The following SYNDIG1L variants were observed in gnomAD, a reference collection of about 807,000 sequenced individuals.
The protein encoded by SYNDIG1L is synapse differentiation inducing 1 like, also known as synapse differentiation-inducing gene protein 1-like.
A neutral mutation model predicts 20.1 loss-of-function variants in SYNDIG1L; 13 were observed. The observed-to-expected ratio is 0.65, with a 90% CI of 0.42 to 1.03. The LOEUF (loss-of-function observed/expected upper bound fraction) is 1.03, where lower values mean the gene tolerates loss of function less well. Among genes scored for constraint, SYNDIG1L ranks in the 50% least tolerant of loss-of-function variants. The pLI is 0.00. For missense variants in SYNDIG1L, 294 were observed against 305.1 expected, an observed-to-expected ratio of 0.96 and a Z score of 0.27; for synonymous variants, 128 against 129.3, an observed-to-expected ratio of 0.99 and a Z score of 0.07.
At chr14:74,477,769 T>C in the SYNDIG1L span, among the ~76,000 whole-genome samples, 1 of 152,214 alleles carries the variant, frequency 6.6e-6, no homozygotes, top group Non-Finnish European at 1.5e-5. Context: ...TTATCTGTCC[T>C]GGAATTCATG....
the SYNDIG1L span, among the ~76,000 whole-genome samples, chr14:74,477,087 CACA>C: frequency 3.4e-5 from 3 of 87,242 alleles, no homozygotes; most frequent in African/African-American, 9.3e-5. Context: ...CACACACACA[CACA>C]ACCCTGTCTC....
chr14:74,410,097 C>A (rs2139620896), intron 1 of SYNDIG1L, among the ~76,000 whole-genome samples: 1 of 152,288 alleles, frequency 6.6e-6, no homozygotes, highest in African/African-American at 2.4e-5. Flanking sequence ...CTTGGGGTAC[C>A]ATGGTGAGAA....
intron 1 of SYNDIG1L, among the ~76,000 whole-genome samples, chr14:74,422,978 C>A (rs556815157): frequency 6.6e-6 from 1 of 152,144 alleles, no homozygotes; most frequent in African/African-American, 2.4e-5. Flanking sequence ...GGATTACAGA[C>A]GTGAGCCACT....
intron 1 of SYNDIG1L, among the ~76,000 whole-genome samples, chr14:74,414,643 A>AT (rs1472448589): frequency 1.3e-5 from 2 of 152,172 alleles, no homozygotes; most frequent in Admixed American, 1.3e-4. Context: ...GGAGGAGTTG[A>AT]TTTTTAACAA....
rs1348237778 is a variant in SYNDIG1L at position 74,407,914 on chromosome 14, T to C, written c.493A>G (p.Thr165Ala). 6.2e-7 allele frequency: 1 copy of C among 1,613,610 alleles called. No individual in the cohort carries two copies. Among genetic ancestry groups the C allele is most frequent in the Non-Finnish European group, 8.5e-7 (1 of 1,179,872 alleles). ...AAGCAGCAGAGCATGGAGAAGAGAG[T>C]AAGTCCCAGGTGGTCCCTGGGAGGC... is the stretch of plus-strand genomic sequence containing the variant. ...TLPPRDHLGLTLFSMLCCFWP... is the reference protein window; with the variant it reads ...TLPPRDHLGLALFSMLCCFWP... Residue 165 changes from threonine (T) to alanine (A), a missense_variant, in exon 3 of 4, where the codon ACT (threonine) becomes GCT (alanine). Thr to Ala is a moderately conservative substitution (Grantham distance 58). Transcript: ENST00000331628.
At chr14:74,476,278 A>G in the SYNDIG1L span, 552 of 607,690 alleles carry the variant, frequency 9.1e-4, 5 homozygotes, top group East Asian at 0.014. Flanking sequence ...GATCTGGCAC[A>G]CCCAGCAGCT....
the SYNDIG1L span, among the ~76,000 whole-genome samples, chr14:74,478,132 A>C: frequency 1.3e-5 from 2 of 152,072 alleles, no homozygotes; most frequent in African/African-American, 4.8e-5. Context: ...GTGCTTCCCC[A>C]CCCTTTTCAT....
intron 1 of SYNDIG1L, among the ~76,000 whole-genome samples, chr14:74,413,274 G>A (rs959561129): frequency 2.0e-5 from 3 of 152,162 alleles, no homozygotes; most frequent in Non-Finnish European, 4.4e-5. Context: ...GTGCCTTTAA[G>A]CAGGGCTTCT....
the SYNDIG1L span, among the ~76,000 whole-genome samples, chr14:74,462,694 C>G: frequency 6.6e-6 from 1 of 151,942 alleles, no homozygotes; most frequent in African/African-American, 2.4e-5. Flanking sequence ...TTTACAGAGA[C>G]AGGGTTTTAC....
chr14:74,435,761 T>C, the SYNDIG1L span, among the ~76,000 whole-genome samples: 4 of 152,130 alleles, frequency 2.6e-5, no homozygotes, highest in African/African-American at 7.2e-5. Flanking sequence ...CTTGGGAACA[T>C]GTACAGGGGA....
Position 74,407,421 on chromosome 14 carries a change from G to T in SYNDIG1L, c.*114C>A. On this transcript the variant is annotated 3_prime_UTR_variant, in exon 4 of 4. Transcript: ENST00000331628. The stretch of plus-strand genomic sequence containing the variant: ...GGAATGGGGGTCTCCCCCTCAGCAA[G>T]CCACTCTCACGGGATCATCTTCAGG... 1 of 1,447,766 alleles carries T rather than the reference G, an allele frequency of 6.9e-7. No homozygotes were observed. Among genetic ancestry groups the T allele is most frequent in the Non-Finnish European group, 9.4e-7 (1 of 1,064,122 alleles). 89.7% of individuals were successfully genotyped at this position (1,447,766 alleles called of 1,614,324 possible).
At chr14:74,440,649 A>T in the SYNDIG1L span, among the ~76,000 whole-genome samples, 1 of 151,936 alleles carries the variant, frequency 6.6e-6, no homozygotes, top group Non-Finnish European at 1.5e-5. Context: ...CACGCCACTG[A>T]ACTCCAGCCT....
the SYNDIG1L span, among the ~76,000 whole-genome samples, chr14:74,478,449 T>G: frequency 6.6e-6 from 1 of 152,220 alleles, no homozygotes; most frequent in Non-Finnish European, 1.5e-5. Context: ...ACACTCAAAC[T>G]AGTCAGCTGT....
chr14:74,408,574 A>G (rs1383140416), intron 2 of SYNDIG1L, among the ~76,000 whole-genome samples: 1 of 151,992 alleles, frequency 6.6e-6, no homozygotes, highest in East Asian at 1.9e-4. Context: ...AAAAAAAAAA[A>G]AAAAAAAGAA....
chr14:74,419,296 T>C (rs143755157), intron 1 of SYNDIG1L, among the ~76,000 whole-genome samples: 1 of 152,356 alleles, frequency 6.6e-6, no homozygotes, highest in African/African-American at 2.4e-5. Context: ...GTCTTTCTCC[T>C]TCACCAGACT....
chr14:74,415,732 G>C (rs1212301208), intron 1 of SYNDIG1L, among the ~76,000 whole-genome samples: 2 of 151,918 alleles, frequency 1.3e-5, no homozygotes, highest in African/African-American at 4.8e-5. Flanking sequence ...GTAGAAACAG[G>C]GTTTTGCCAT....
At chr14:74,408,561 C>T (rs1417275443) in intron 2 of SYNDIG1L, among the ~76,000 whole-genome samples, 1 of 132,320 alleles carries the variant, frequency 7.6e-6, no homozygotes, top group African/African-American at 3.0e-5. Flanking sequence ...GAGACTCCAT[C>T]TCAAAAAAAA....
chr14:74,457,359 T>C, the SYNDIG1L span, among the ~76,000 whole-genome samples: 1 of 152,014 alleles, frequency 6.6e-6, no homozygotes, highest in Admixed American at 6.5e-5. Context: ...TCTCCCATGC[T>C]TTGGGTCAAT....
chr14:74,423,941 C>A (rs2086244871), intron 1 of SYNDIG1L, among the ~76,000 whole-genome samples: 1 of 151,958 alleles, frequency 6.6e-6, no homozygotes, highest in South Asian at 2.1e-4. Context: ...GAGGCAGGAG[C>A]CCCTCTCAGT....
Sources: allele counts gnomAD v4.1 joint callset (sites outside exome capture counted in the v4.1 genomes callset), GRCh38; gene constraint gnomAD v4.1.1; transcripts MANE v1.5; gene names NCBI Gene and HGNC (gene_info 2026-07-23, HGNC 2026-07-21).